The following RAD54L variants were observed in gnomAD, a reference collection of about 807,000 sequenced individuals.
RAD54L encodes the protein RAD54 like.
A neutral mutation model predicts 91.6 loss-of-function variants in RAD54L; 74 were observed. The observed-to-expected ratio is 0.81, with a 90% confidence interval of 0.67 to 0.98. The LOEUF (loss-of-function observed/expected upper bound fraction) is 0.98, where lower values mean the gene tolerates loss of function less well. Ranked by LOEUF, RAD54L falls within the 50% of genes least tolerant of loss-of-function variation. The pLI, the probability that RAD54L is intolerant of heterozygous loss-of-function variation, is 0.00. For missense variants in RAD54L, 887 were observed against 945.7 expected, an observed-to-expected ratio of 0.94 and a Z score of 0.81; for synonymous variants, 304 against 349.7, an observed-to-expected ratio of 0.87 and a Z score of 1.46.
Position 46,250,132 on chromosome 1 carries a change from T to G in RAD54L, c.210+13T>G, listed in dbSNP as rs1659758553. ...CAGCAGTCAGCATGTAAGCCAGAACTGCAACCTGCATGTGTATGTCTGTGC... is the reference window on the plus strand; with the variant it reads ...CAGCAGTCAGCATGTAAGCCAGAACGGCAACCTGCATGTGTATGTCTGTGC... On this transcript the variant is annotated intron_variant, in intron 3 of 17. Coordinates refer to ENST00000371975, the MANE Select transcript of RAD54L (RefSeq NM_003579.4). The G allele has an allele frequency of 6.2e-7, 1 of 1,613,970 alleles. No homozygotes were observed. Among genetic ancestry groups the G allele is most frequent in the South Asian group, 1.1e-5 (1 of 91,082 alleles).
chr1:46,253,632 C>T (rs555624869), intron 3 of RAD54L, among the ~76,000 whole-genome samples: 189 of 149,508 alleles, frequency 1.3e-3, no homozygotes, highest in African/African-American at 4.3e-3. Flanking sequence ...AAAGAATTCA[C>T]ACAAAAAATG....
Position 46,263,431 on chromosome 1 carries a change from A to G in RAD54L, c.891+2046A>G, listed in dbSNP as rs76353416. ...AGAGGTGGCTGAAAGACTTGGCCCT[A>G]TCTGTCAACCAGTTGTCAGGCTAGG... On this transcript the variant is annotated intron_variant, in intron 8 of 17. Coordinates refer to ENST00000371975, the MANE Select transcript of RAD54L (RefSeq NM_003579.4). This position sits in a 1 kb window ranked among gnomAD's most constrained non-coding sequence, Gnocchi z 4.3. 8.2e-3 allele frequency among the ~76,000 whole-genome samples: 1,251 copies of G among 152,246 alleles called. 19 individuals carry two copies. Among genetic ancestry groups the G allele is most frequent in the Middle Eastern group, 0.037 (11 of 294 alleles).
chr1:46,250,689 T>C (rs1330285547), intron 3 of RAD54L, among the ~76,000 whole-genome samples: 2 of 152,138 alleles, frequency 1.3e-5, no homozygotes, highest in South Asian at 2.1e-4. Context: ...AAAAACGGTT[T>C]TGTGGCCGGG....
chr1:46,253,911 C>T (rs567757978), intron 3 of RAD54L, among the ~76,000 whole-genome samples: 35 of 152,032 alleles, frequency 2.3e-4, no homozygotes, highest in African/African-American at 7.7e-4. Context: ...AAAAAAAATA[C>T]ATAGTAATCC....
At chr1:46,264,340 A>G (rs1466559578) in intron 8 of RAD54L, among the ~76,000 whole-genome samples, 1 of 152,258 alleles carries the variant, frequency 6.6e-6, no homozygotes, top group Non-Finnish European at 1.5e-5. Flanking sequence ...TGGAAAGGGA[A>G]GGTGCCATTT....
chr1:46,266,361 C>G (rs1660266465), intron 8 of RAD54L, among the ~76,000 whole-genome samples: 1 of 152,206 alleles, frequency 6.6e-6, no homozygotes, highest in African/African-American at 2.4e-5. Flanking sequence ...TTGTCAAAGC[C>G]TGACCCAAGG....
Position 46,278,286 on chromosome 1 carries a change from C to T in RAD54L, c.*4C>T, listed in dbSNP as rs774166091. 1 of 1,609,706 alleles carries T rather than the reference C, an allele frequency of 6.2e-7. No homozygotes were observed. The highest frequency in any genetic ancestry group is 1.1e-5 in the South Asian group (1 of 90,030). ...GGAGCAGCGGGGCCTCCGCTGATAA[C>T]CAGCTGGTCTGGGTGTAGCTCTTAG... is the stretch of plus-strand genomic sequence containing the variant. On this transcript the variant is annotated 3_prime_UTR_variant, in exon 18 of 18. Transcript: ENST00000371975.
intron 14 of RAD54L, 94 bp downstream of exon 14, chr1:46,273,841 G>A: frequency 1.3e-6 from 2 of 1,502,784 alleles, no homozygotes; most frequent in Non-Finnish European, 9.0e-7. Flanking sequence ...CAAGATCTGG[G>A]CACATAAGGG....
intron 9 of RAD54L, among the ~76,000 whole-genome samples, chr1:46,268,696 G>A (rs1180432672): frequency 6.6e-6 from 1 of 152,232 alleles, no homozygotes; most frequent in Non-Finnish European, 1.5e-5. Context: ...TCCACATTAT[G>A]TGTAGCAGTA....
rs1244211087 is a variant in RAD54L, at chr1:46,274,204, CA to C, written c.1679del (p.Asn560IlefsTer12). The C allele has an allele frequency of 2.5e-6, 4 of 1,612,464 alleles. No homozygotes were observed. In the African/African-American group the frequency reaches 4.0e-5, roughly 16 times the overall value. ...KKRAKVVERF[N>X]SPSSPDFVFM... ...AGCGAGCCAAGGTTGTAGAACGCTT[CA>C]ATAGTCCATCGGTAAATGCACATCC... On this transcript the variant is annotated frameshift_variant, in exon 15 of 18. Transcript: ENST00000371975. LOFTEE classifies it high-confidence loss of function.
chr1:46,271,244 G>A (rs1160638212), intron 10 of RAD54L, among the ~76,000 whole-genome samples: 1 of 152,176 alleles, frequency 6.6e-6, no homozygotes, highest in Non-Finnish European at 1.5e-5. Context: ...CCAGAGGGTA[G>A]GCACATTCTG....
intron 3 of RAD54L, 95 bp from the exon 4 acceptor site, chr1:46,258,591 A>G (rs1660006769): frequency 5.2e-6 from 5 of 957,656 alleles, no homozygotes; most frequent in Non-Finnish European, 6.8e-6. Flanking sequence ...TCGAAGATGG[A>G]TGCTGTTGTA....
chr1:46,271,840 A>T (rs1394090975), intron 10 of RAD54L, among the ~76,000 whole-genome samples: 1 of 151,984 alleles, frequency 6.6e-6, no homozygotes, highest in African/African-American at 2.4e-5. Context: ...AGGACTTAGT[A>T]ATTTACAACT....
At position 46,273,530 on chromosome 1, in the gene RAD54L, TA is replaced by T. The variant is rs544860569; in HGVS notation, c.1486+66del. ...GAGGGTGGGAGATTTTTTTTTGTGC[TA>T]GGGCTGTCCTGTTTCAAGGCAGGAT... On this transcript the variant is annotated intron_variant, in intron 13 of 17. Transcript: ENST00000371975. 1.2e-5 allele frequency: 20 copies of T among 1,611,166 alleles called. No homozygotes were observed. In the South Asian group the frequency reaches 1.8e-4, roughly 14 times the overall value.
rs1361608832 is a variant in RAD54L, at chr1:46,278,086, G to A, written c.2048G>A (p.Arg683His). Residue 683 changes from arginine (R) to histidine (H), a missense_variant, in exon 18 of 18, where the codon CGT (arginine) becomes CAT (histidine). Arg to His is a conservative substitution (Grantham distance 29). Transcript: ENST00000371975. Reference protein sequence around the residue: ...SDTHDRLHCRRCVNSRQIRPP... With the variant: ...SDTHDRLHCRHCVNSRQIRPP... ...TCTGTCCCTAGGTTGCACTGCCGACGTTGTGTCAACAGCCGTCAGATCCGG... is the reference window on the plus strand; with the variant it reads ...TCTGTCCCTAGGTTGCACTGCCGACATTGTGTCAACAGCCGTCAGATCCGG... 7.4e-6 allele frequency: 12 copies of A among 1,613,990 alleles called. No individual in the cohort carries two copies. The highest frequency in any genetic ancestry group is 4.0e-5 in the African/African-American group (3 of 74,936).
At chr1:46,267,021 A>G (rs554480929) in intron 8 of RAD54L, among the ~76,000 whole-genome samples, 31 of 152,172 alleles carry the variant, frequency 2.0e-4, no homozygotes, top group Non-Finnish European at 4.0e-4. Context: ...AGAACCTGTA[A>G]TGTTTTTGTT....
chr1:46,257,013 G>A (rs1006264277), intron 3 of RAD54L, among the ~76,000 whole-genome samples: 4 of 151,836 alleles, frequency 2.6e-5, no homozygotes, highest in East Asian at 1.9e-4. Flanking sequence ...GTGTGGTGGC[G>A]TGTGCCTGTA....
intron 8 of RAD54L, among the ~76,000 whole-genome samples, chr1:46,266,045 A>C (rs891396038): frequency 4.6e-5 from 7 of 152,238 alleles, no homozygotes; most frequent in African/African-American, 1.7e-4. Context: ...ACAGGAGCAC[A>C]GAGTTGAGAG....
At chr1:46,272,631 G>C (rs533185369) in intron 11 of RAD54L, 41 bp from the exon 12 acceptor site, 2 of 1,614,092 alleles carry the variant, frequency 1.2e-6, no homozygotes, top group African/African-American at 1.3e-5. Flanking sequence ...AGGGCAGGAG[G>C]GTGGTCTAGC....
Sources: allele counts gnomAD v4.1 joint callset (sites outside exome capture counted in the v4.1 genomes callset), GRCh38; gene constraint gnomAD v4.1.1; non-coding constraint Gnocchi (gnomAD v3.1); transcripts MANE v1.5; gene names NCBI Gene and HGNC (gene_info 2026-07-23, HGNC 2026-07-21).